TRIO: variants seen among roughly 807,000 people sequenced by gnomAD.
TRIO encodes triple functional domain protein.
TRIO carries 58 observed loss-of-function variants against 351.9 expected under a neutral mutation model. The ratio of observed to expected loss-of-function variants is 0.16; its 90% CI spans 0.13 to 0.21. TRIO has a LOEUF of 0.21. TRIO is among the 10% of genes least tolerant of loss of function. The pLI is 1.00. For synonymous variants in TRIO, 1,758 were observed against 1,595.7 expected (o/e 1.10, Z -2.42); for missense variants, 3,201 against 4,027.8 (o/e 0.79, Z 5.56).
Position 14,275,314 on chromosome 5 carries a change from A to G in TRIO, c.232+4415A>G, listed in dbSNP as rs114238509. Among the ~76,000 whole-genome samples, 791 of 152,278 alleles carry G rather than the reference A, an allele frequency of 5.2e-3. 10 individuals are homozygous for G. Among genetic ancestry groups the G allele is most frequent in the African/African-American group, 0.018 (761 of 41,566 alleles). The stretch of plus-strand genomic sequence containing the variant: ...TGAGGATGTATGCTATTAGAAATCT[A>G]CAGACCTACTACTGTATTTTAAAGT... On this transcript the variant is annotated intron_variant, in intron 2 of 56. Coordinates refer to ENST00000344204, the MANE Select transcript of TRIO (RefSeq NM_007118.4).
intron 1 of TRIO, among the ~76,000 whole-genome samples, chr5:14,152,261 A>C (rs1787882232): frequency 6.6e-6 from 1 of 152,226 alleles, no homozygotes; most frequent in African/African-American, 2.4e-5. Flanking sequence ...TCAGTACCAG[A>C]GTGATGAAAG....
rs544504249 is a variant in TRIO, at chr5:14,400,473, G to A, written c.4615-490G>A. On this transcript the variant is annotated intron_variant, in intron 30 of 56. Transcript: ENST00000344204. ...TACAGAGGGATTTTGCCTCTTAGCC[G>A]TTAAAATTATTGATGAAATACTAAA... 5.3e-5 allele frequency among the ~76,000 whole-genome samples: 8 copies of A among 152,046 alleles called. No individual in the cohort carries two copies. In the South Asian group the frequency reaches 8.3e-4, roughly 16 times the overall value.
chr5:14,398,737 G>A (rs189420928), intron 29 of TRIO, 143 bp from the exon 30 acceptor site: 26 of 718,024 alleles, frequency 3.6e-5, no homozygotes, highest in African/African-American at 3.6e-4. Flanking sequence ...CAGTGGCGTC[G>A]AGTCAGGATC....
At chr5:14,491,516 G>A (rs1216762806) in intron 48 of TRIO, among the ~76,000 whole-genome samples, 3 of 152,196 alleles carry the variant, frequency 2.0e-5, no homozygotes, top group African/African-American at 7.2e-5. Flanking sequence ...TTCAGGCGTT[G>A]GCAGGGGATC....
intron 33 of TRIO, among the ~76,000 whole-genome samples, chr5:14,410,106 G>A (rs376858130): frequency 2.6e-5 from 4 of 152,140 alleles, no homozygotes; most frequent in African/African-American, 7.2e-5. Context: ...ATGAAATGTC[G>A]TGTCGTGAGA....
intron 1 of TRIO, among the ~76,000 whole-genome samples, chr5:14,171,238 C>T (rs1230173255): frequency 1.3e-5 from 2 of 152,158 alleles, no homozygotes; most frequent in African/African-American, 2.4e-5. Context: ...TGAGTTATTA[C>T]ATTGTTATAG....
chr5:14,259,250 C>A (rs1795205936), intron 1 of TRIO, among the ~76,000 whole-genome samples: 1 of 152,050 alleles, frequency 6.6e-6, no homozygotes, highest in Non-Finnish European at 1.5e-5. Flanking sequence ...GTTTCTGTGT[C>A]AAAATTTGTT....
intron 49 of TRIO, among the ~76,000 whole-genome samples, chr5:14,496,609 G>A (rs1756911359): frequency 6.6e-6 from 1 of 152,108 alleles, no homozygotes; most frequent in African/African-American, 2.4e-5. Flanking sequence ...AAATATCTAG[G>A]CGTCCTGTGA....
At chr5:14,332,216 T>C (rs30623) in intron 10 of TRIO, among the ~76,000 whole-genome samples, 81,956 of 152,106 alleles carry the variant, frequency 0.54, 22,815 homozygotes, top group East Asian at 0.63. Flanking sequence ...ATGTAACCTG[T>C]CACAAAGTTA....
chr5:14,167,468 A>T (rs1788838762), intron 1 of TRIO, among the ~76,000 whole-genome samples: 1 of 152,196 alleles, frequency 6.6e-6, no homozygotes, highest in Non-Finnish European at 1.5e-5. Context: ...CCAGTTTTTC[A>T]TAAATAGGTC....
At chr5:14,207,431 C>T (rs1435950179) in intron 1 of TRIO, among the ~76,000 whole-genome samples, 1 of 64,764 alleles carries the variant, frequency 1.5e-5, no homozygotes, top group African/African-American at 6.1e-5. Flanking sequence ...CACACACACA[C>T]GCAGCCAGGT....
chr5:14,254,500 T>C (rs550376268), intron 1 of TRIO, among the ~76,000 whole-genome samples: 2 of 152,302 alleles, frequency 1.3e-5, no homozygotes, highest in South Asian at 2.1e-4. Flanking sequence ...GTCTGGTTAG[T>C]GCATTCCAGC....
At chr5:14,302,102 A>G (rs982394293) in intron 7 of TRIO, among the ~76,000 whole-genome samples, 1 of 152,214 alleles carries the variant, frequency 6.6e-6, no homozygotes, top group Non-Finnish European at 1.5e-5. Flanking sequence ...AGTTCTAATT[A>G]CAGGAATATG....
intron 1 of TRIO, among the ~76,000 whole-genome samples, chr5:14,213,216 TCTC>T (rs1353958680): frequency 1.3e-5 from 2 of 152,044 alleles, no homozygotes; most frequent in African/African-American, 4.8e-5. Flanking sequence ...TTTTCCTGCT[TCTC>T]CTCCCTCCTC....
intron 53 of TRIO, chr5:14,499,277 T>C (rs1242461706): frequency 1.3e-5 from 2 of 152,446 alleles, no homozygotes; most frequent in East Asian, 3.8e-4. Context: ...GAAGAGCTTG[T>C]TCTTTCTCCT....
intron 1 of TRIO, among the ~76,000 whole-genome samples, chr5:14,207,483 C>T (rs1791601511): frequency 8.0e-6 from 1 of 125,212 alleles, no homozygotes; most frequent in Non-Finnish European, 1.7e-5. Flanking sequence ...CACACACACA[C>T]ACACACACAC....
chr5:14,397,183 A>C (rs760629725), intron 29 of TRIO, 29 bp downstream of exon 29: 63 of 1,542,616 alleles, frequency 4.1e-5, no homozygotes, highest in Non-Finnish European at 5.5e-5. Flanking sequence ...CCCAGTGTGC[A>C]TCTATGCAGT....
At chr5:14,162,775 A>G (rs931430050) in intron 1 of TRIO, among the ~76,000 whole-genome samples, 3 of 152,158 alleles carry the variant, frequency 2.0e-5, no homozygotes, top group South Asian at 2.1e-4. Context: ...AGGTGTTTTT[A>G]TATGTCATCA....
intron 4 of TRIO, among the ~76,000 whole-genome samples, chr5:14,288,591 T>G (rs1426480203): frequency 1.3e-5 from 2 of 151,256 alleles, no homozygotes; most frequent in African/African-American, 4.9e-5. Flanking sequence ...GGCGTGAACC[T>G]GGGAGGCAGA....
Sources: gnomAD v4.1 joint callset for allele counts (sites outside exome capture counted in the v4.1 genomes callset) on GRCh38, gnomAD v4.1.1 for gene constraint, MANE v1.5 for transcripts, NCBI Gene and HGNC (gene_info 2026-07-23, HGNC 2026-07-21) for gene names.